GABBR2: variants seen among roughly 807,000 people sequenced by gnomAD.
GABBR2 encodes the protein gamma-aminobutyric acid type B receptor subunit 2.
A neutral mutation model predicts 105.6 loss-of-function variants in GABBR2; 23 were observed. The observed-to-expected ratio is 0.22, with a 90% CI of 0.16 to 0.31. GABBR2 has a LOEUF of 0.31. Among genes scored for constraint, GABBR2 ranks in the 10% least tolerant of loss-of-function variants. The probability of loss-of-function intolerance (pLI) is 1.00; values close to 1 mark genes in which losing one functional copy is unlikely to be tolerated. For synonymous variants in GABBR2, 478 were observed against 499.7 expected (o/e 0.96, Z 0.58); for missense variants, 734 against 1,245.5 (o/e 0.59, Z 6.18).
intron 6 of GABBR2, among the ~76,000 whole-genome samples, chr9:98,462,790 T>C (rs1826448436): frequency 6.6e-6 from 1 of 152,178 alleles, no homozygotes. Context: ...GACTCAGAAT[T>C]CCACCCCAAG....
At chr9:98,683,355 G>A (rs1280354225) in intron 1 of GABBR2, among the ~76,000 whole-genome samples, 1 of 151,902 alleles carries the variant, frequency 6.6e-6, no homozygotes, top group Non-Finnish European at 1.5e-5. Context: ...TGCCCACCTC[G>A]GCCTCCCAAA....
intron 13 of GABBR2, among the ~76,000 whole-genome samples, chr9:98,352,277 A>G (rs777917671): frequency 2.0e-5 from 3 of 151,936 alleles, no homozygotes; most frequent in African/African-American, 4.8e-5. Context: ...GTCCCCAGGT[A>G]TTGTGTGTGG....
In GABBR2 at chr9:98,310,986, G is replaced by A. The variant is rs553785233; in HGVS notation, c.2004+109C>T. 5 of 660,138 alleles carry A rather than the reference G, an allele frequency of 7.6e-6. No individual in the cohort carries two copies. The East Asian group carries it at 7.8e-5, about 10-fold the overall frequency. The allele number at this position is 660,138 out of a possible 1,614,324, so 40.9% of individuals were successfully genotyped here. A position where few individuals can be genotyped will look rare whatever the true frequency, so the allele number is the denominator to read the frequency against. On this transcript the variant is annotated intron_variant, in intron 14 of 18. Coordinates refer to ENST00000259455, the MANE Select transcript of GABBR2 (RefSeq NM_005458.8). ...GGCACTGAGTCCACAGAGAGTAACT[G>A]CTTAGTCATGGAGGCTCTGTTTATT...
In GABBR2 at chr9:98,607,021, G is replaced by A. The variant is rs538408995; in HGVS notation, c.322-28949C>T. 3 of 1,079,302 alleles carry A rather than the reference G, an allele frequency of 2.8e-6. No individual in the cohort carries two copies. In the South Asian group the frequency reaches 3.7e-5, roughly 13 times the overall value. 66.9% of individuals were successfully genotyped at this position (1,079,302 alleles called of 1,614,324 possible). A position where few individuals can be genotyped will look rare whatever the true frequency, so the allele number is the denominator to read the frequency against. On this transcript the variant is annotated intron_variant, in intron 1 of 18. Transcript: ENST00000259455. ...GTAGCTCAACAGAAGACCCCTGAAG[G>A]CTATGTGGGATTTGCCAATCTCCCA...
At chr9:98,357,407 G>A (rs1831502670) in intron 13 of GABBR2, among the ~76,000 whole-genome samples, 1 of 152,160 alleles carries the variant, frequency 6.6e-6, no homozygotes, top group African/African-American at 2.4e-5. Flanking sequence ...CGGCACTTTG[G>A]GAGGCCAGGG....
At chr9:98,559,222 T>C (rs1828632194) in intron 2 of GABBR2, among the ~76,000 whole-genome samples, 1 of 152,212 alleles carries the variant, frequency 6.6e-6, no homozygotes, top group African/African-American at 2.4e-5. Context: ...CTCCACCTCC[T>C]GGGCTTAAGC....
intron 6 of GABBR2, among the ~76,000 whole-genome samples, chr9:98,470,843 C>A (rs1375096744): frequency 6.6e-6 from 1 of 151,404 alleles, no homozygotes; most frequent in South Asian, 2.1e-4. Context: ...TTTGTTTAAT[C>A]TTGATTACCG....
intron 7 of GABBR2, among the ~76,000 whole-genome samples, chr9:98,434,365 A>G (rs1327942722): frequency 6.6e-6 from 1 of 152,126 alleles, no homozygotes; most frequent in African/African-American, 2.4e-5. Flanking sequence ...GTGAACCCTA[A>G]TACAACAGGG....
At chr9:98,424,635 C>G (rs9722532) in intron 7 of GABBR2, among the ~76,000 whole-genome samples, 81,446 of 148,154 alleles carry the variant, frequency 0.55, 25,020 homozygotes, top group Non-Finnish European at 0.69. Flanking sequence ...TCAGCAAAGT[C>G]TCAGGATACA....
chr9:98,452,663 A>G (rs1826252627), intron 7 of GABBR2, among the ~76,000 whole-genome samples: 1 of 152,232 alleles, frequency 6.6e-6, no homozygotes. Context: ...ATTTAGCACA[A>G]TGTCTAGCAC....
intron 1 of GABBR2, among the ~76,000 whole-genome samples, chr9:98,656,692 G>A (rs1830188476): frequency 6.6e-6 from 1 of 152,208 alleles, no homozygotes; most frequent in Non-Finnish European, 1.5e-5. Context: ...AGAACAGTGA[G>A]CCAGTTACCA....
intron 12 of GABBR2, among the ~76,000 whole-genome samples, chr9:98,369,887 TG>T (rs1361742219): frequency 6.6e-6 from 1 of 152,004 alleles, no homozygotes; most frequent in African/African-American, 2.4e-5. Flanking sequence ...GAGAAATGGG[TG>T]GACTGGGAGG....
intron 14 of GABBR2, among the ~76,000 whole-genome samples, chr9:98,308,171 T>C (rs187273941): frequency 2.4e-4 from 36 of 152,120 alleles, no homozygotes; most frequent in African/African-American, 8.2e-4. Context: ...GAGGCGGAGG[T>C]TGCAGTGAGC....
intron 8 of GABBR2, among the ~76,000 whole-genome samples, chr9:98,398,561 G>A (rs190952153): frequency 9.4e-4 from 143 of 152,238 alleles, no homozygotes; most frequent in African/African-American, 3.3e-3. Context: ...TCTGTGTGAC[G>A]TCCCCTCATG....
At chr9:98,667,289 C>T (rs1382872344) in intron 1 of GABBR2, among the ~76,000 whole-genome samples, 2 of 152,162 alleles carry the variant, frequency 1.3e-5, no homozygotes, top group African/African-American at 4.8e-5. Flanking sequence ...CTAGGGAAGA[C>T]ATGCCAGAGG....
At chr9:98,434,973 C>T (rs942642514) in intron 7 of GABBR2, among the ~76,000 whole-genome samples, 24 of 152,152 alleles carry the variant, frequency 1.6e-4, no homozygotes, top group African/African-American at 5.8e-4. Flanking sequence ...TTGGTGTAAC[C>T]TCATGTGTAG....
intron 13 of GABBR2, among the ~76,000 whole-genome samples, chr9:98,329,865 C>T (rs886168543): frequency 2.7e-5 from 4 of 147,942 alleles, no homozygotes; most frequent in Admixed American, 2.0e-4. Flanking sequence ...TCTTCTTCTT[C>T]TCTCTCTCTC....
intron 15 of GABBR2, among the ~76,000 whole-genome samples, chr9:98,305,048 C>G (rs1278146160): frequency 6.6e-6 from 1 of 152,108 alleles, no homozygotes; most frequent in Admixed American, 6.6e-5. Flanking sequence ...GCTGGGATTA[C>G]AGGCACGAGC....
At chr9:98,386,638 C>T (rs1832077433) in intron 10 of GABBR2, among the ~76,000 whole-genome samples, 1 of 152,156 alleles carries the variant, frequency 6.6e-6, no homozygotes. Context: ...CTTGTAGGTG[C>T]CTGGCCCCCC....
Sources: gnomAD v4.1 joint callset for allele counts (sites outside exome capture counted in the v4.1 genomes callset) on GRCh38, gnomAD v4.1.1 for gene constraint, MANE v1.5 for transcripts, NCBI Gene and HGNC (gene_info 2026-07-23, HGNC 2026-07-21) for gene names.